Variants in CLPSL2 observed in about 807,000 individuals in gnomAD.
The protein encoded by CLPSL2 is colipase-like protein 2.
Under a neutral mutation model 7.9 loss-of-function variants are expected in CLPSL2, and 4 were observed. The ratio of observed to expected loss-of-function variants is 0.50; its 90% CI spans 0.25 to 1.15. CLPSL2 has a LOEUF of 1.15. CLPSL2 is among the 50% of genes most tolerant of loss of function. CLPSL2 has a pLI of 0.15. For missense variants in CLPSL2, 132 were observed against 136.6 expected (o/e 0.97, Z 0.17); for synonymous variants, 67 against 53.1 (o/e 1.26, Z -1.14).
In CLPSL2 at chr6:35,779,428, C is replaced by T. The variant is rs1767919804; in HGVS notation, c.281C>T (p.Ser94Phe). 6.3e-7 allele frequency: 1 copy of T among 1,581,600 alleles called. No homozygotes were observed. Among genetic ancestry groups the T allele is most frequent in the Non-Finnish European group, 8.6e-7 (1 of 1,163,490 alleles). The change falls in exon 3 of 3, where the codon TCC becomes TTC. Residue 94 changes from serine (S) to phenylalanine (F), a missense_variant. Transcript: ENST00000403376. ...LTCISKDLMC[S>F]RRCHMI ...TGCATATCCAAGGACTTGATGTGTT[C>T]CCGCCGGTGCCATATGATTTAGAGG...
chr6:35,776,770 GAGCCCGAAGGCGCCGGGC>G (rs1767845099), intron 1 of CLPSL2, 68 bp downstream of exon 1: 3 of 1,295,834 alleles, frequency 2.3e-6, no homozygotes, highest in South Asian at 3.8e-5. Flanking sequence ...CGGGGCACTG[GAGCCCGAAGGCGCCGGGC>G]AGCCTGAAAG....
At chr6:35,778,345 A>G (rs1243665501) in intron 2 of CLPSL2, among the ~76,000 whole-genome samples, 1 of 152,202 alleles carries the variant, frequency 6.6e-6, no homozygotes, top group African/African-American at 2.4e-5. Context: ...ACTAGTCCCC[A>G]TCTCCCTGCC....
rs375860754 is a variant in CLPSL2 at position 35,777,440 on chromosome 6, A to G, written c.85-19A>G. On this transcript the variant is annotated intron_variant, in intron 1 of 2. Coordinates refer to ENST00000403376, the MANE Select transcript of CLPSL2 (RefSeq NM_207409.4). ...AGGGATTGCTCCCAGCCTGGCAGACATTCTGCCTGTCCCCACAGAAAATCA... is the reference window on the plus strand; with the variant it reads ...AGGGATTGCTCCCAGCCTGGCAGACGTTCTGCCTGTCCCCACAGAAAATCA... 7 of 1,612,186 alleles carry G rather than the reference A, an allele frequency of 4.3e-6. No homozygotes were observed. The highest frequency in any genetic ancestry group is 4.0e-5 in the African/African-American group (3 of 74,954).
Position 35,777,470 on chromosome 6 carries a change from C to G in CLPSL2, c.96C>G (p.Asp32Glu), listed in dbSNP as rs1273733907. 6.2e-7 allele frequency: 1 copy of G among 1,613,602 alleles called. No individual in the cohort carries two copies. The highest frequency in any genetic ancestry group is 1.1e-5 in the South Asian group (1 of 91,062). ...ALPQYKKKIT[D>E]RCFHHSECYS... ...GCCTGTCCCCACAGAAAATCACAGA[C>G]AGGTGCTTCCACCACTCTGAGTGCT... is the stretch of plus-strand genomic sequence containing the variant. Residue 32 changes from aspartate to glutamate, a missense_variant, in exon 2 of 3, where the codon GAC becomes GAG. Physicochemically the swap from Asp to Glu is conservative, Grantham distance 45. Coordinates refer to ENST00000403376, the MANE Select transcript of CLPSL2 (RefSeq NM_207409.4).
At chr6:35,777,878 C>T (rs2478467) in intron 2 of CLPSL2, 482,345 of 717,236 alleles carry the variant, frequency 0.67, 164,233 homozygotes, top group African/African-American at 0.86. Context: ...GGGCAGGGAT[C>T]GCATCATATT....
intron 2 of CLPSL2, among the ~76,000 whole-genome samples, chr6:35,778,238 G>T (rs1020111022): frequency 9.2e-5 from 14 of 152,172 alleles, no homozygotes; most frequent in African/African-American, 3.4e-4. Context: ...TTATAGGCAT[G>T]AGCCACCGTG....
chr6:35,777,941 A>G (rs1449603471), intron 2 of CLPSL2: 1 of 716,512 alleles, frequency 1.4e-6, no homozygotes, highest in South Asian at 1.5e-5. Context: ...TAGGTGCTCA[A>G]TAAATGCTTA....
At chr6:35,776,876 T>C in intron 1 of CLPSL2, 174 bp downstream of exon 1, 1 of 513,242 alleles carries the variant, frequency 1.9e-6, no homozygotes, top group Non-Finnish European at 3.2e-6. Context: ...CGCTTCACTT[T>C]CCCCTGGTGG....
intron 1 of CLPSL2, 65 bp from the exon 2 acceptor site, chr6:35,777,394 C>G: frequency 6.4e-7 from 1 of 1,568,700 alleles, no homozygotes; most frequent in Non-Finnish European, 8.7e-7. Context: ...GGGAACCCTC[C>G]CCTACCCGCC....
At chr6:35,777,711 C>G in intron 2 of CLPSL2, 130 bp downstream of exon 2, 1 of 1,090,968 alleles carries the variant, frequency 9.2e-7, no homozygotes, top group South Asian at 1.5e-5. Flanking sequence ...ACTTGGCAAA[C>G]TCCTACTCAT....
intron 1 of CLPSL2, 143 bp downstream of exon 1, chr6:35,776,845 C>G (rs1159888603): frequency 3.0e-6 from 2 of 669,782 alleles, no homozygotes; most frequent in African/African-American, 3.8e-5. Context: ...CCTGGGGCAT[C>G]CTCAGACGGA....
rs765588339 is a variant in CLPSL2, at chr6:35,779,389, G to A, written c.242G>A (p.Arg81Gln). 13 of 1,584,406 alleles carry A rather than the reference G, an allele frequency of 8.2e-6. 1 individual carries two copies. The highest frequency in any genetic ancestry group is 2.3e-5 in the South Asian group (2 of 86,586). Residue 81 changes from arginine to glutamine, a missense_variant, in exon 3 of 3, where the codon CGG (arginine) becomes CAG (glutamine). Arg to Gln is a conservative substitution (Grantham distance 43, BLOSUM62 1). Coordinates refer to ENST00000403376, the MANE Select transcript of CLPSL2 (RefSeq NM_207409.4). ...KGATNIICPC[R>Q]MGLTCISKDL... ...GCTACCAACATCATCTGCCCTTGCCGGATGGGCTTGACGTGCATATCCAAG... is the reference window on the plus strand; with the variant it reads ...GCTACCAACATCATCTGCCCTTGCCAGATGGGCTTGACGTGCATATCCAAG...
In CLPSL2 at chr6:35,777,454, C is replaced by T. The variant is rs1767864151; in HGVS notation, c.85-5C>T. The T allele has an allele frequency of 6.2e-7, 1 of 1,613,248 alleles. No individual in the cohort carries two copies. Among genetic ancestry groups the T allele is most frequent in the African/African-American group, 1.3e-5 (1 of 74,910 alleles). On this transcript the variant is annotated splice_region_variant and splice_polypyrimidine_tract_variant and intron_variant, in intron 1 of 2. Coordinates refer to ENST00000403376, the MANE Select transcript of CLPSL2 (RefSeq NM_207409.4). ...GCCTGGCAGACATTCTGCCTGTCCC[C>T]ACAGAAAATCACAGACAGGTGCTTC...
chr6:35,777,858 A>G, intron 2 of CLPSL2: 1 of 717,722 alleles, frequency 1.4e-6, no homozygotes, highest in Non-Finnish European at 2.6e-6. Flanking sequence ...CAGTGGTTGG[A>G]ACTCTTCAAG....
At chr6:35,776,775 C>G (rs1767845242) in intron 1 of CLPSL2, 73 bp downstream of exon 1, 2 of 1,283,918 alleles carry the variant, frequency 1.6e-6, no homozygotes, top group East Asian at 3.2e-5. Flanking sequence ...CACTGGAGCC[C>G]GAAGGCGCCG....
chr6:35,779,042 G>A lies in CLPSL2; in HGVS notation c.208-313G>A, dbSNP rs191549713. ...CCGCCTCGGCCTTCCAAAGCGCTGG[G>A]ATTACAGGGGTGAGCCACCGCGCAT... On this transcript the variant is annotated intron_variant, in intron 2 of 2. Coordinates refer to ENST00000403376, the MANE Select transcript of CLPSL2 (RefSeq NM_207409.4). Among the ~76,000 whole-genome samples the A allele has an allele frequency of 1.2e-3, 188 of 152,240 alleles. 1 individual carries two copies. Among genetic ancestry groups the A allele is most frequent in the African/African-American group, 4.3e-3 (179 of 41,540 alleles).
rs766536732 is a variant in CLPSL2, at chr6:35,777,582, G to T, written c.207+1G>T. 2 of 1,612,816 alleles carry T rather than the reference G, an allele frequency of 1.2e-6. No individual in the cohort carries two copies. The highest frequency in any genetic ancestry group is 1.3e-5 in the African/African-American group (1 of 74,848). On this transcript the variant is annotated splice_donor_variant, in intron 2 of 2. Transcript: ENST00000403376. LOFTEE classifies it high-confidence loss of function. ...AATAACCATGATCTGCTTGCCCCAG[G>T]TGAGGCCCTAGTATGGGGCAACTTC...
intron 2 of CLPSL2, 194 bp downstream of exon 2, chr6:35,777,775 C>A: frequency 6.8e-6 from 5 of 732,818 alleles, no homozygotes; most frequent in Non-Finnish European, 9.9e-6. Context: ...CCTTGGAGCT[C>A]CTGTACCCTG....
At chr6:35,776,736 C>T (rs759325966) in intron 1 of CLPSL2, 34 bp downstream of exon 1, 96 of 1,357,668 alleles carry the variant, frequency 7.1e-5, no homozygotes, top group Middle Eastern at 2.7e-4. Context: ...CGGCCGCGAC[C>T]GCAGGAGAGG....
Sources: gnomAD v4.1 joint callset for allele counts (sites outside exome capture counted in the v4.1 genomes callset) on GRCh38, gnomAD v4.1.1 for gene constraint, MANE v1.5 for transcripts, NCBI Gene and HGNC (gene_info 2026-07-23, HGNC 2026-07-21) for gene names.